TTBK2: variants seen among roughly 807,000 people sequenced by gnomAD.
TTBK2 encodes the protein tau tubulin kinase 2.
A neutral mutation model predicts 110.8 loss-of-function variants in TTBK2; 28 were observed. The ratio of observed to expected loss-of-function variants is 0.25; its 90% CI spans 0.19 to 0.35. TTBK2 has a LOEUF of 0.35. TTBK2 is among the 10% of genes least tolerant of loss of function. TTBK2 has a pLI of 1.00. For missense variants in TTBK2, 1,369 were observed against 1,500.3 expected (o/e 0.91, Z 1.45); for synonymous variants, 532 against 527.3 (o/e 1.01, Z -0.12).
intron 3 of TTBK2, among the ~76,000 whole-genome samples, chr15:42,851,337 A>G (rs981573194): frequency 1.3e-5 from 2 of 151,970 alleles, no homozygotes; most frequent in African/African-American, 4.8e-5. Context: ...CGACAGAAAA[A>G]GCAGAAGAAG....
At chr15:42,852,783 T>C (rs1354075711) in intron 3 of TTBK2, among the ~76,000 whole-genome samples, 5 of 152,174 alleles carry the variant, frequency 3.3e-5, no homozygotes, top group Admixed American at 2.6e-4. Context: ...GAGACCTCCA[T>C]ACACCCTTTG....
chr15:42,777,901 C>T (rs1255694153), intron 11 of TTBK2, among the ~76,000 whole-genome samples: 1 of 151,980 alleles, frequency 6.6e-6, no homozygotes, highest in Non-Finnish European at 1.5e-5. Context: ...CTAACTGGCT[C>T]AAATTGGTGA....
At chr15:42,815,897 T>A (rs1377364351) in intron 7 of TTBK2, among the ~76,000 whole-genome samples, 126 of 115,676 alleles carry the variant, frequency 1.1e-3, no homozygotes, top group African/African-American at 4.2e-3. Flanking sequence ...TTTAAAAATA[T>A]ATATATATAT....
intron 7 of TTBK2, among the ~76,000 whole-genome samples, chr15:42,815,957 AAATAT>A (rs1161921193): frequency 1.6e-4 from 7 of 43,888 alleles, no homozygotes; most frequent in African/African-American, 4.2e-4. Flanking sequence ...TTTAAAAAAA[AAATAT>A]ATATATATAT....
intron 10 of TTBK2, among the ~76,000 whole-genome samples, chr15:42,787,736 T>G (rs763064835): frequency 5.9e-5 from 9 of 152,346 alleles, no homozygotes; most frequent in Admixed American, 2.0e-4. Context: ...TAAAGTTATC[T>G]CATAGATTCT....
chr15:42,857,704 TAATAC>T (rs1420687128), intron 3 of TTBK2, among the ~76,000 whole-genome samples: 2 of 152,170 alleles, frequency 1.3e-5, no homozygotes, highest in African/African-American at 4.8e-5. Context: ...CAGCTACTTC[TAATAC>T]GTTCTTACAT....
At chr15:42,773,002 T>C (rs956788570) in intron 13 of TTBK2, among the ~76,000 whole-genome samples, 9 of 152,134 alleles carry the variant, frequency 5.9e-5, no homozygotes, top group Admixed American at 2.0e-4. Context: ...TAAGTTTTCA[T>C]TGCCAACCTG....
At chr15:42,862,418 C>T (rs1159403342) in intron 3 of TTBK2, among the ~76,000 whole-genome samples, 1 of 152,152 alleles carries the variant, frequency 6.6e-6, no homozygotes, top group Non-Finnish European at 1.5e-5. Flanking sequence ...TTGGGATGCA[C>T]AGTTGGTTCA....
intron 3 of TTBK2, among the ~76,000 whole-genome samples, chr15:42,855,770 C>T (rs915529133): frequency 1.1e-4 from 17 of 152,134 alleles, no homozygotes; most frequent in Admixed American, 3.9e-4. Flanking sequence ...CCGCAGGCTC[C>T]GCCTCCCGGG....
At chr15:42,759,599 C>T (rs2061994615) in intron 13 of TTBK2, among the ~76,000 whole-genome samples, 1 of 152,202 alleles carries the variant, frequency 6.6e-6, no homozygotes, top group Non-Finnish European at 1.5e-5. Context: ...CCCAGAAAAA[C>T]CATGCCAACA....
intron 3 of TTBK2, among the ~76,000 whole-genome samples, chr15:42,860,640 C>CTTTTT (rs796405914): frequency 1.7e-3 from 177 of 101,976 alleles, no homozygotes; most frequent in African/African-American, 2.9e-3. Flanking sequence ...GGTATTCTTT[C>CTTTTT]TTTTTTTTTT....
chr15:42,801,753 C>T, intron 9 of TTBK2: 2 of 824,678 alleles, frequency 2.4e-6, no homozygotes, highest in South Asian at 2.6e-5. Context: ...GGAAGCTGAT[C>T]TTGGCAGTCA....
At chr15:42,870,579 G>A (rs557753990) in intron 3 of TTBK2, among the ~76,000 whole-genome samples, 9 of 151,606 alleles carry the variant, frequency 5.9e-5, no homozygotes, top group South Asian at 4.2e-4. Context: ...AAAAAAAATC[G>A]CAGCCAGGTG....
intron 13 of TTBK2, among the ~76,000 whole-genome samples, chr15:42,763,524 T>C (rs1393484258): frequency 6.6e-6 from 1 of 151,682 alleles, no homozygotes; most frequent in Admixed American, 6.6e-5. Flanking sequence ...CAATAATATA[T>C]ATTTTCAAAT....
rs985307838 is a variant in TTBK2, at chr15:42,742,181, G to A, written c.*3614C>T. 2.6e-5 allele frequency: 4 copies of A among 152,178 alleles called. No homozygotes were observed. The highest frequency in any genetic ancestry group is 2.1e-4 in the South Asian group (1 of 4,830). 9.4% of individuals were successfully genotyped at this position (152,178 alleles called of 1,614,324 possible). On this transcript the variant is annotated 3_prime_UTR_variant, in exon 15 of 15. Coordinates refer to ENST00000267890, the MANE Select transcript of TTBK2 (RefSeq NM_173500.4). ...TATTTGAAAGCAAATAATATAAAGC[G>A]AGTAATGTCTACAGTGGGTCTCAGT...
chr15:42,839,666 C>T (rs1488985317), intron 4 of TTBK2, among the ~76,000 whole-genome samples: 2 of 152,082 alleles, frequency 1.3e-5, no homozygotes, highest in East Asian at 1.9e-4. Context: ...TGGTGTCTTA[C>T]TGTGGTTTTG....
intron 1 of TTBK2, among the ~76,000 whole-genome samples, chr15:42,908,863 CA>C (rs1297951716): frequency 6.6e-6 from 1 of 152,148 alleles, no homozygotes; most frequent in African/African-American, 2.4e-5. Flanking sequence ...AAACTACAAA[CA>C]ACCCAAATGT....
At chr15:42,863,108 A>C (rs1894225485) in intron 3 of TTBK2, among the ~76,000 whole-genome samples, 2 of 152,280 alleles carry the variant, frequency 1.3e-5, no homozygotes, top group South Asian at 4.1e-4. Context: ...TCCAAATAGG[A>C]AAAGAAGAAG....
intron 1 of TTBK2, among the ~76,000 whole-genome samples, chr15:42,912,665 T>G (rs1236289301): frequency 6.6e-6 from 1 of 151,314 alleles, no homozygotes; most frequent in Admixed American, 6.6e-5. Flanking sequence ...GAGCTGAGAT[T>G]GCAAGATCGC....
Sources: gnomAD v4.1 joint callset for allele counts (sites outside exome capture counted in the v4.1 genomes callset) on GRCh38, gnomAD v4.1.1 for gene constraint, MANE v1.5 for transcripts, NCBI Gene and HGNC (gene_info 2026-07-23, HGNC 2026-07-21) for gene names.